The following IL1RAPL2 variants were observed in gnomAD, a reference collection of about 807,000 sequenced individuals.
IL1RAPL2 encodes interleukin 1 receptor accessory protein like 2.
Under a neutral mutation model 44.1 loss-of-function variants are expected in IL1RAPL2, and 3 were observed. The observed-to-expected ratio is 0.07, with a 90% CI of 0.03 to 0.18. The LOEUF (loss-of-function observed/expected upper bound fraction) is 0.18. Ranked by LOEUF, IL1RAPL2 falls within the 10% of genes least tolerant of loss-of-function variation. The pLI is 1.00. For synonymous variants in IL1RAPL2, 181 were observed against 178.8 expected, an observed-to-expected ratio of 1.01 and a Z score of -0.10; for missense variants, 391 against 496.4, an observed-to-expected ratio of 0.79 and a Z score of 2.02.
chrX:104,640,719 C>T (rs1217453823), intron 1 of IL1RAPL2, among the ~76,000 whole-genome samples: 1 of 111,989 alleles, frequency 8.9e-6, no homozygotes, highest in Non-Finnish European at 1.9e-5. Context: ...GATCTGAGTT[C>T]ATGCAGTAGT....
intron 2 of IL1RAPL2, chrX:104,804,590 T>C (rs180960860): frequency 8.9e-6 from 1 of 112,346 alleles, no homozygotes; most frequent in African/African-American, 3.2e-5. Context: ...ATAGTCTTTA[T>C]TGTTGTGGAC....
At chrX:104,647,699 C>T in intron 1 of IL1RAPL2, 1 of 548,530 alleles carries the variant, frequency 1.8e-6, no homozygotes. Flanking sequence ...AGGAAGCTGG[C>T]TAGCGACAGG....
intron 2 of IL1RAPL2, among the ~76,000 whole-genome samples, chrX:104,879,662 T>C (rs1923010240): frequency 1.8e-5 from 2 of 111,835 alleles, no homozygotes; most frequent in Non-Finnish European, 3.8e-5. Context: ...GCTCTCCAAG[T>C]CTGGTGCAAA....
In IL1RAPL2 at chrX:104,599,682, A is replaced by G. The variant is rs192656320; in HGVS notation, c.-20+32631A>G. On this transcript the variant is annotated intron_variant, in intron 1 of 10. Transcript: ENST00000372582. ...CACACACACACACACACACACACAC[A>G]CACACACACACACGTAATCATTTAA... Among the ~76,000 whole-genome samples the G allele has an allele frequency of 7.5e-3, 815 of 108,620 alleles. 6 individuals are homozygous for G. Among genetic ancestry groups the G allele is most frequent in the African/African-American group, 0.025 (748 of 29,672 alleles). 94.3% of individuals were successfully genotyped at this position (108,620 alleles called of 115,157 possible).
intron 5 of IL1RAPL2, among the ~76,000 whole-genome samples, chrX:105,302,980 A>T (rs1322910912): frequency 9.0e-6 from 1 of 111,725 alleles, no homozygotes; most frequent in Admixed American, 9.5e-5. Flanking sequence ...TTCCATGGGT[A>T]CTGAGTTCTG....
chrX:105,432,003 G>A (rs1454125999), intron 5 of IL1RAPL2, among the ~76,000 whole-genome samples: 1 of 110,192 alleles, frequency 9.1e-6, no homozygotes, highest in Non-Finnish European at 1.9e-5. Context: ...CCAAAATTGT[G>A]ACCAGGTTTA....
At chrX:105,409,845 T>TAGAC (rs1556311285) in intron 5 of IL1RAPL2, among the ~76,000 whole-genome samples, 254 of 85,954 alleles carry the variant, frequency 3.0e-3, no homozygotes, top group African/African-American at 5.5e-3. Context: ...GATAGATAGA[T>TAGAC]AGACAGACAG....
intron 2 of IL1RAPL2, among the ~76,000 whole-genome samples, chrX:105,106,195 A>T (rs1208955989): frequency 9.0e-6 from 1 of 111,694 alleles, no homozygotes; most frequent in African/African-American, 3.3e-5. Context: ...AGGTTATGGC[A>T]CCAACTGTTT....
intron 5 of IL1RAPL2, among the ~76,000 whole-genome samples, chrX:105,441,728 T>C (rs931710243): frequency 8.9e-6 from 1 of 111,734 alleles, no homozygotes; most frequent in African/African-American, 3.3e-5. Flanking sequence ...CCCTGACAAA[T>C]GAATGTGCTG....
In IL1RAPL2 at chrX:104,761,830, TCTTCTCCTTCTCCTTCTTCTCCTTCTC is replaced by T. The variant is rs1569309701; in HGVS notation, c.82+102853_82+102879del. On this transcript the variant is annotated intron_variant, in intron 2 of 10. Transcript: ENST00000372582. Reference sequence around the variant, plus strand: ...TCCTTCTCTTTCTCCTCCTTCTCCTTCTTCTCCTTCTCCTTCTTCTCCTTCTCCTTCTCCTTCTCCTTCTCCTTCTCC... The same window carrying T: ...TCCTTCTCTTTCTCCTCCTTCTCCTTCTTCTCCTTCTCCTTCTCCTTCTCC... Among the ~76,000 whole-genome samples the T allele has an allele frequency of 3.5e-3, 257 of 72,494 alleles. 23 individuals carry two copies. Among genetic ancestry groups the T allele is most frequent in the African/African-American group, 0.013 (191 of 14,718 alleles). The allele number at this position is 72,494 out of a possible 115,157, so 63.0% of individuals were successfully genotyped here.
intron 5 of IL1RAPL2, among the ~76,000 whole-genome samples, chrX:105,439,614 G>C (rs1185219569): frequency 9.1e-6 from 1 of 109,311 alleles, no homozygotes; most frequent in Non-Finnish European, 1.9e-5. Context: ...TTAACATTTT[G>C]TCTATTCTAC....
intron 3 of IL1RAPL2, chrX:105,219,112 C>T (rs200794809): frequency 4.4e-4 from 532 of 1,209,149 alleles, no homozygotes; most frequent in Non-Finnish European, 5.8e-4. Context: ...GGAGTATCTC[C>T]TGTCTCTTGG....
At chrX:104,916,336 G>C (rs1465044212) in intron 2 of IL1RAPL2, among the ~76,000 whole-genome samples, 1 of 111,583 alleles carries the variant, frequency 9.0e-6, no homozygotes, top group Non-Finnish European at 1.9e-5. Context: ...AAGCAATTGT[G>C]AATGGGAGTT....
intron 6 of IL1RAPL2, among the ~76,000 whole-genome samples, chrX:105,605,552 C>T (rs1274701803): frequency 2.7e-5 from 3 of 111,070 alleles, no homozygotes; most frequent in East Asian, 2.8e-4. Context: ...CAATACAATC[C>T]CTATCAAAAT....
intron 9 of IL1RAPL2, among the ~76,000 whole-genome samples, chrX:105,749,604 G>A (rs900055760): frequency 1.8e-5 from 2 of 111,846 alleles, no homozygotes; most frequent in Admixed American, 9.5e-5. Flanking sequence ...CAAAGTACAT[G>A]TATCTACATA....
intron 8 of IL1RAPL2, among the ~76,000 whole-genome samples, chrX:105,742,450 T>G (rs2147577616): frequency 9.0e-6 from 1 of 111,641 alleles, no homozygotes; most frequent in Admixed American, 9.5e-5. Flanking sequence ...TTATTTGAGT[T>G]TTAAAATAAA....
At chrX:104,588,428 A>C (rs1426013261) in intron 1 of IL1RAPL2, among the ~76,000 whole-genome samples, 3 of 111,646 alleles carry the variant, frequency 2.7e-5, no homozygotes, top group Non-Finnish European at 3.8e-5. Context: ...CTAAGAATTG[A>C]AAATAGGGAA....
At chrX:105,074,228 A>C in intron 2 of IL1RAPL2, among the ~76,000 whole-genome samples, 1 of 111,991 alleles carries the variant, frequency 8.9e-6, no homozygotes, top group Admixed American at 9.5e-5. Flanking sequence ...ATAAGGTGTA[A>C]GGAAGGGATC....
intron 1 of IL1RAPL2, among the ~76,000 whole-genome samples, chrX:104,608,368 A>G (rs1011630320): frequency 1.8e-5 from 2 of 110,853 alleles, no homozygotes; most frequent in Non-Finnish European, 3.8e-5. Context: ...TCCAGAGCTG[A>G]GTTCAAGTCC....
Sources: allele counts gnomAD v4.1 joint callset (sites outside exome capture counted in the v4.1 genomes callset), GRCh38; gene constraint gnomAD v4.1.1; transcripts MANE v1.5; gene names NCBI Gene and HGNC (gene_info 2026-07-23, HGNC 2026-07-21).